Variants in CTNND2 observed in about 807,000 individuals in gnomAD.
CTNND2 encodes catenin delta 2, also known as catenin delta-2.
A neutral mutation model predicts 144.4 loss-of-function variants in CTNND2; 22 were observed. The observed-to-expected ratio is 0.15, with a 90% CI of 0.11 to 0.22. The LOEUF (loss-of-function observed/expected upper bound fraction) is 0.22, where lower values mean the gene tolerates loss of function less well. Among genes scored for constraint, CTNND2 ranks in the 10% least tolerant of loss-of-function variants. CTNND2 has a pLI of 1.00. For synonymous variants in CTNND2, 751 were observed against 695.6 expected (o/e 1.08, Z -1.25); for missense variants, 1,353 against 1,618.8 (o/e 0.84, Z 2.82).
intron 11 of CTNND2, among the ~76,000 whole-genome samples, chr5:11,178,578 C>A (rs371066208): frequency 6.6e-6 from 1 of 152,038 alleles, no homozygotes; most frequent in Non-Finnish European, 1.5e-5. Context: ...ATTAACAATG[C>A]GTCATAATGG....
At chr5:11,504,437 C>T (rs930467604) in intron 3 of CTNND2, among the ~76,000 whole-genome samples, 1 of 152,188 alleles carries the variant, frequency 6.6e-6, no homozygotes, top group Admixed American at 6.5e-5. Flanking sequence ...CATCATGTCC[C>T]TGCACCAGCT....
At chr5:11,414,967 A>G (rs1261422379) in intron 3 of CTNND2, among the ~76,000 whole-genome samples, 1 of 152,198 alleles carries the variant, frequency 6.6e-6, no homozygotes, top group African/African-American at 2.4e-5. Context: ...TCCATGGTGT[A>G]TATGTACCAC....
chr5:11,687,138 C>T (rs138538873), intron 2 of CTNND2, among the ~76,000 whole-genome samples: 69 of 152,300 alleles, frequency 4.5e-4, no homozygotes, highest in African/African-American at 1.6e-3. Context: ...AACCTCCAAA[C>T]TGGCTTCCCA....
intron 1 of CTNND2, among the ~76,000 whole-genome samples, chr5:11,877,835 G>A (rs1031412825): frequency 1.3e-5 from 2 of 152,068 alleles, no homozygotes; most frequent in Non-Finnish European, 2.9e-5. Context: ...CATTTGGGAA[G>A]AAGTGCTATA....
At chr5:11,011,830 C>T (rs1178629919) in intron 18 of CTNND2, among the ~76,000 whole-genome samples, 1 of 152,098 alleles carries the variant, frequency 6.6e-6, no homozygotes, top group Non-Finnish European at 1.5e-5. Context: ...AAACATGGGA[C>T]TCTGTTTCCT....
intron 1 of CTNND2, among the ~76,000 whole-genome samples, chr5:11,818,184 T>C (rs568002137): frequency 6.6e-6 from 1 of 152,102 alleles, no homozygotes; most frequent in Admixed American, 6.5e-5. Flanking sequence ...AAAAAGGACA[T>C]TTATTGATTA....
chr5:11,280,449 T>C (rs1746998463), intron 9 of CTNND2, among the ~76,000 whole-genome samples: 1 of 152,182 alleles, frequency 6.6e-6, no homozygotes, highest in African/African-American at 2.4e-5. Flanking sequence ...TGATGAGGGC[T>C]CTCTTCCTGG....
chr5:11,703,271 C>T (rs1165808982), intron 2 of CTNND2, among the ~76,000 whole-genome samples: 1 of 152,102 alleles, frequency 6.6e-6, no homozygotes, highest in South Asian at 2.1e-4. Flanking sequence ...AAACATACAT[C>T]CAGTTTACAG....
intron 1 of CTNND2, among the ~76,000 whole-genome samples, chr5:11,881,595 C>T (rs1360817682): frequency 6.6e-6 from 1 of 151,884 alleles, no homozygotes; most frequent in Non-Finnish European, 1.5e-5. Context: ...TTCCACCTTG[C>T]TGCAAAACAC....
At chr5:11,769,939 A>AC (rs1288616331) in intron 1 of CTNND2, among the ~76,000 whole-genome samples, 2 of 152,218 alleles carry the variant, frequency 1.3e-5, no homozygotes, top group Non-Finnish European at 2.9e-5. Flanking sequence ...ACTTGAAAAT[A>AC]TGTTAGCAGT....
At chr5:11,758,573 C>CAAGAG (rs968298761) in intron 1 of CTNND2, among the ~76,000 whole-genome samples, 3 of 151,870 alleles carry the variant, frequency 2.0e-5, no homozygotes, top group African/African-American at 7.3e-5. Flanking sequence ...AGTTATCTTC[C>CAAGAG]AAGAGACCAT....
rs539019352 is a variant in CTNND2, at chr5:11,671,220, A to C, written c.174+60916T>G. 7.9e-5 allele frequency among the ~76,000 whole-genome samples: 12 copies of C among 151,952 alleles called. No individual in the cohort carries two copies. The East Asian group carries it at 2.1e-3, about 27-fold the overall frequency. On this transcript the variant is annotated intron_variant, in intron 2 of 21. Transcript: ENST00000304623. Reference sequence around the variant, plus strand: ...GGCTGCCCTTAACATTTTTTCCTTCATTTCAACCTTGGTGAATCTGACGAT... The same window carrying C: ...GGCTGCCCTTAACATTTTTTCCTTCCTTTCAACCTTGGTGAATCTGACGAT...
intron 3 of CTNND2, among the ~76,000 whole-genome samples, chr5:11,457,674 C>T (rs1168875835): frequency 6.6e-6 from 1 of 152,150 alleles, no homozygotes; most frequent in African/African-American, 2.4e-5. Context: ...GATTATTCTC[C>T]AAAGGCAGGC....
chr5:11,231,627 CA>C (rs1252260361), intron 10 of CTNND2, among the ~76,000 whole-genome samples: 2 of 152,122 alleles, frequency 1.3e-5, no homozygotes, highest in African/African-American at 4.8e-5. Context: ...TTCTAGGCCA[CA>C]AACCATCCAA....
intron 14 of CTNND2, among the ~76,000 whole-genome samples, chr5:11,105,111 G>A (rs1752298482): frequency 6.6e-6 from 1 of 152,200 alleles, no homozygotes; most frequent in Admixed American, 6.5e-5. Flanking sequence ...CAAAGTCACT[G>A]TGATGGAACC....
Position 11,385,069 on chromosome 5 carries a change from G to A in CTNND2, c.773C>T (p.Thr258Met), listed in dbSNP as rs1472271140. The A allele has an allele frequency of 3.7e-6, 4 of 1,086,278 alleles. No individual in the cohort carries two copies. Among genetic ancestry groups the A allele is most frequent in the Non-Finnish European group, 4.4e-6 (4 of 901,208 alleles). 67.3% of individuals were successfully genotyped at this position (1,086,278 alleles called of 1,614,324 possible). ...AAAALYYSSSTLPAPPRGGSP... is the reference protein window; with the variant it reads ...AAAALYYSSSMLPAPPRGGSP... ...GCCCCCGCGCGGCGGCGCGGGCAGC[G>A]TGGAGCTGGAGTAGTAGAGCGCGGC... The change falls in exon 7 of 22, where the codon ACG becomes ATG. Residue 258 changes from threonine (T) to methionine (M), a missense_variant. Around this residue, in one of 4 missense-constraint regions of CTNND2, gnomAD observed 708 missense variants for 706.4 expected, o/e 1.00. Transcript: ENST00000304623.
intron 2 of CTNND2, among the ~76,000 whole-genome samples, chr5:11,712,740 T>A (rs56102045): frequency 0.012 from 1,792 of 152,074 alleles, 30 homozygotes; most frequent in African/African-American, 0.042. Context: ...AACAAAAGAG[T>A]CGTTCATCCT....
At chr5:11,336,743 AATT>A (rs1753764487) in intron 9 of CTNND2, among the ~76,000 whole-genome samples, 1 of 152,188 alleles carries the variant, frequency 6.6e-6, no homozygotes, top group Non-Finnish European at 1.5e-5. Context: ...CACATAGACA[AATT>A]ATGTGTGTAT....
intron 3 of CTNND2, among the ~76,000 whole-genome samples, chr5:11,532,927 C>T (rs1773880486): frequency 6.6e-6 from 1 of 152,142 alleles, no homozygotes; most frequent in African/African-American, 2.4e-5. Context: ...GAAGTAGTCA[C>T]TTTGCATAAA....
Sources: gnomAD v4.1 joint callset for allele counts (sites outside exome capture counted in the v4.1 genomes callset) on GRCh38, gnomAD v4.1.1 for gene constraint, gnomAD v4.1.1 regional missense constraint, MANE v1.5 for transcripts, NCBI Gene and HGNC (gene_info 2026-07-23, HGNC 2026-07-21) for gene names.